The following LGI2 variants were observed in gnomAD, a reference collection of about 807,000 sequenced individuals.
The protein encoded by LGI2 is leucine rich repeat LGI family member 2, also known as leucine-rich repeat LGI family member 2.
LGI2 carries 30 observed loss-of-function variants against 52.0 expected under a neutral mutation model. The observed-to-expected ratio is 0.58, with a 90% CI of 0.43 to 0.78. The LOEUF (loss-of-function observed/expected upper bound fraction) is 0.78. Ranked by LOEUF, LGI2 falls within the 30% of genes least tolerant of loss-of-function variation. The pLI is 0.00. For synonymous variants in LGI2, 270 were observed against 271.8 expected, an observed-to-expected ratio of 0.99 and a Z score of 0.06; for missense variants, 573 against 692.5, an observed-to-expected ratio of 0.83 and a Z score of 1.94.
rs754552680 is a variant in LGI2, at chr4:25,004,308, C to T, written c.821-40G>A. The T allele has an allele frequency of 1.3e-6, 2 of 1,541,836 alleles. No individual in the cohort carries two copies. Among genetic ancestry groups the T allele is most frequent in the South Asian group, 2.4e-5 (2 of 82,818 alleles). Reference sequence around the variant, plus strand: ...AAAGGAGAGGACATTAGTGCAACTACAGCTAAAAACGCATCTCCGCTTGTA... The same window carrying T: ...AAAGGAGAGGACATTAGTGCAACTATAGCTAAAAACGCATCTCCGCTTGTA... On this transcript the variant is annotated intron_variant, in intron 7 of 7. Coordinates refer to ENST00000382114, the MANE Select transcript of LGI2 (RefSeq NM_018176.4). This position sits in a 1 kb window ranked among gnomAD's most constrained non-coding sequence, Gnocchi z 4.6.
chr4:25,018,466 T>C lies in LGI2; in HGVS notation c.486-308A>G, dbSNP rs781238708. On this transcript the variant is annotated intron_variant, in intron 5 of 7. Coordinates refer to ENST00000382114, the MANE Select transcript of LGI2 (RefSeq NM_018176.4). The stretch of plus-strand genomic sequence containing the variant: ...CGCCATGCCAGAAATGGGAGACATA[T>C]GATAGAAGAGCAGCCCCCAACAGAG... Among the ~76,000 whole-genome samples, 3 of 152,324 alleles carry C rather than the reference T, an allele frequency of 2.0e-5. No individual in the cohort carries two copies. The South Asian group carries it at 6.2e-4, about 32-fold the overall frequency.
At chr4:25,012,285 G>C in intron 7 of LGI2, 50 bp downstream of exon 7, 1 of 1,601,692 alleles carries the variant, frequency 6.2e-7, no homozygotes, top group Non-Finnish European at 8.5e-7. Flanking sequence ...CCGCGGGCTT[G>C]CCGCAATGCT....
rs531563624 is a variant in LGI2 at position 25,011,097 on chromosome 4, CA to C, written c.820+1237del. Among the ~76,000 whole-genome samples, 19 of 147,624 alleles carry C rather than the reference CA, an allele frequency of 1.3e-4. No homozygotes were observed. In the East Asian group the frequency reaches 3.6e-3, roughly 28 times the overall value. The stretch of plus-strand genomic sequence containing the variant: ...AGCCTGTCTCAAAAAAAAAAAAAAT[CA>C]AAAAAACCAAAAAACAGAAAACAGC... On this transcript the variant is annotated intron_variant, in intron 7 of 7. Coordinates refer to ENST00000382114, the MANE Select transcript of LGI2 (RefSeq NM_018176.4).
At chr4:24,996,566 C>G (rs929798618), downstream of LGI2, among the ~76,000 whole-genome samples, 1 of 152,134 alleles carries the variant, frequency 6.6e-6, no homozygotes, top group African/African-American at 2.4e-5. Context: ...GAGCTGGGGC[C>G]CGGGACAAGC....
intron 6 of LGI2, among the ~76,000 whole-genome samples, chr4:25,016,264 A>T (rs1428043028): frequency 6.6e-6 from 1 of 152,246 alleles, no homozygotes; most frequent in Non-Finnish European, 1.5e-5. Context: ...AGAGATTAGC[A>T]AAGTTTCTCC....
chr4:25,025,656 T>A (rs181567850), intron 3 of LGI2, among the ~76,000 whole-genome samples: 1 of 152,334 alleles, frequency 6.6e-6, no homozygotes, highest in East Asian at 1.9e-4. Context: ...TAAATTTTAG[T>A]TACAGCATTA....
downstream of LGI2, among the ~76,000 whole-genome samples, chr4:24,997,979 G>A (rs1312965996): frequency 6.6e-6 from 1 of 152,134 alleles, no homozygotes; most frequent in Non-Finnish European, 1.5e-5. Context: ...CTGGGCTCAA[G>A]GGATCCTCCT....
At chr4:25,027,179 CTGTG>C (rs1181047097) in intron 2 of LGI2, among the ~76,000 whole-genome samples, 2 of 152,158 alleles carry the variant, frequency 1.3e-5, no homozygotes, top group East Asian at 3.9e-4. Flanking sequence ...CCTTTCTTCC[CTGTG>C]TGTCTCAGTA....
chr4:24,998,641 C>A (rs927278692), downstream of LGI2, among the ~76,000 whole-genome samples: 1 of 152,158 alleles, frequency 6.6e-6, no homozygotes, highest in African/African-American at 2.4e-5. Context: ...AACCATGAAG[C>A]TCTTCAGTGA....
chr4:25,025,398 T>G lies in LGI2; in HGVS notation c.342-507A>C, dbSNP rs117051067. ...TTGGTTTTCAGCAACCTTGAGTTTA[T>G]CGTGTCCTACACCATCTAGTCACCA... On this transcript the variant is annotated intron_variant, in intron 3 of 7. Transcript: ENST00000382114. 3.1e-4 allele frequency among the ~76,000 whole-genome samples: 47 copies of G among 152,304 alleles called. No homozygotes were observed. The East Asian group carries it at 8.9e-3, about 29-fold the overall frequency.
intron 7 of LGI2, among the ~76,000 whole-genome samples, chr4:25,007,440 G>C (rs1443786506): frequency 6.6e-6 from 1 of 152,118 alleles, no homozygotes; most frequent in African/African-American, 2.4e-5. Context: ...TGGCTATGGA[G>C]GCTACCACCC....
chr4:25,003,853 A>G lies in LGI2; in HGVS notation c.1236T>C (p.Gly412=), dbSNP rs1450752765. ...GTACGTCCTCCATGTTGGGGATGTC[A>G]CCATGGGGGACAAACTTCTTAGAGC... is the stretch of plus-strand genomic sequence containing the variant. The part of the protein sequence containing the change: ...NKSSKKFVPH[G]DIPNMEDVLA... The change falls in exon 8 of 8, where the codon GGT becomes GGC. Residue 412 remains glycine (G), a synonymous_variant. Coordinates refer to ENST00000382114, the MANE Select transcript of LGI2 (RefSeq NM_018176.4). 1.9e-6 allele frequency: 3 copies of G among 1,614,200 alleles called. No individual in the cohort carries two copies. Among genetic ancestry groups the G allele is most frequent in the African/African-American group, 1.3e-5 (1 of 75,054 alleles).
intron 7 of LGI2, among the ~76,000 whole-genome samples, chr4:25,007,054 C>CT (rs1027572712): frequency 5.3e-5 from 8 of 151,922 alleles, no homozygotes; most frequent in East Asian, 1.9e-4. Flanking sequence ...TTATAATCTA[C>CT]TTTTTTTTCA....
chr4:24,992,581 A>T, the LGI2 span, among the ~76,000 whole-genome samples: 32 of 152,210 alleles, frequency 2.1e-4, no homozygotes, highest in East Asian at 1.4e-3. Flanking sequence ...AAATAAAAAA[A>T]AAATAGCTGG....
At position 25,000,129 on chromosome 4, in the gene LGI2, G is replaced by T; in HGVS notation, c.*3322C>A. ...TGTTAAATGGACCAGTTGATTGAAT[G>T]GTGTCTATTCAGTATGATTTTTCTT... On this transcript the variant is annotated 3_prime_UTR_variant, in exon 8 of 8. Transcript: ENST00000382114. The T allele has an allele frequency of 7.5e-6, 2 of 266,942 alleles. No homozygotes were observed. The highest frequency in any genetic ancestry group is 1.5e-5 in the Non-Finnish European group (2 of 134,862). 16.5% of individuals were successfully genotyped at this position (266,942 alleles called of 1,614,324 possible).
chr4:25,012,398 T>C lies in LGI2; in HGVS notation c.757A>G (p.Asn253Asp). 1 of 1,614,224 alleles carries C rather than the reference T, an allele frequency of 6.2e-7. No homozygotes were observed. The highest frequency in any genetic ancestry group is 8.5e-7 in the Non-Finnish European group (1 of 1,180,038). Reference sequence around the variant, plus strand: ...TGGTCCCACTCCAGCACCATGCAGTTCTCCATGCTGGGCTGCGCGATGGCC... The same window carrying C: ...TGGTCCCACTCCAGCACCATGCAGTCCTCCATGCTGGGCTGCGCGATGGCC... ...YVAIAQPSME[N>D]CMVLEWDHIE... is the part of the protein sequence containing the mutation. The change falls in exon 7 of 8, where the codon AAC (asparagine) becomes GAC (aspartate). Residue 253 changes from asparagine (N) to aspartate (D), a missense_variant. Transcript: ENST00000382114.
Position 25,003,535 on chromosome 4 carries a change from G to A in LGI2, c.1554C>T (p.Thr518=), listed in dbSNP as rs111302130. The part of the protein sequence containing the change: ...QAPRSFTAVS[T]DRRDFFFASS... ...ATGCAAAAAAGAAATCTCTCCTGTC[G>A]GTGGAGACAGCTGTGAATGAACGAG... Residue 518 remains threonine, a synonymous_variant, in exon 8 of 8, where the codon ACC becomes ACT. Coordinates refer to ENST00000382114, the MANE Select transcript of LGI2 (RefSeq NM_018176.4). The A allele has an allele frequency of 2.2e-5, 36 of 1,613,300 alleles. No individual in the cohort carries two copies. The highest frequency in any genetic ancestry group is 9.3e-5 in the African/African-American group (7 of 74,914).
At chr4:24,992,875 C>T in the LGI2 span, among the ~76,000 whole-genome samples, 14 of 152,310 alleles carry the variant, frequency 9.2e-5, no homozygotes, top group East Asian at 1.9e-3. Context: ...TAGAGTCAAA[C>T]ACATCTGGAT....
intron 4 of LGI2, among the ~76,000 whole-genome samples, chr4:25,020,786 C>T (rs6448323): frequency 0.38 from 57,804 of 152,018 alleles, 13,989 homozygotes; most frequent in East Asian, 0.69. Context: ...TATGCCCCTT[C>T]CTATCTAGGT....
Sources: gnomAD v4.1 joint callset for allele counts (sites outside exome capture counted in the v4.1 genomes callset) on GRCh38, gnomAD v4.1.1 for gene constraint, Gnocchi (gnomAD v3.1) non-coding constraint, MANE v1.5 for transcripts, NCBI Gene and HGNC (gene_info 2026-07-23, HGNC 2026-07-21) for gene names.